The following PTPRK variants were observed in gnomAD, a reference collection of about 807,000 sequenced individuals.
PTPRK encodes protein tyrosine phosphatase receptor type K, also known as receptor-type tyrosine-protein phosphatase kappa.
In PTPRK, 75 loss-of-function variants were observed where a neutral mutation model predicts 178.0. That is an observed-to-expected ratio of 0.42 (90% CI 0.35 to 0.51). PTPRK has a LOEUF of 0.51. Among genes scored for constraint, PTPRK ranks in the 20% least tolerant of loss-of-function variants. The pLI is 0.02. For synonymous variants in PTPRK, 637 were observed against 620.6 expected, an observed-to-expected ratio of 1.03 and a Z score of -0.39; for missense variants, 1,441 against 1,797.8, an observed-to-expected ratio of 0.80 and a Z score of 3.59.
chr6:128,000,801 G>C (rs1240676635), intron 15 of PTPRK, among the ~76,000 whole-genome samples: 1 of 152,018 alleles, frequency 6.6e-6, no homozygotes, highest in Non-Finnish European at 1.5e-5. Context: ...ACTCAAGCTG[G>C]AAGAAGGTAG....
At chr6:127,994,385 G>GT (rs1776917761) in intron 18 of PTPRK, among the ~76,000 whole-genome samples, 1 of 151,564 alleles carries the variant, frequency 6.6e-6, no homozygotes, top group Admixed American at 6.6e-5. Context: ...GATTTTAATT[G>GT]TAAAAAAAAT....
At chr6:128,189,661 A>G (rs957442834) in intron 6 of PTPRK, among the ~76,000 whole-genome samples, 3 of 152,008 alleles carry the variant, frequency 2.0e-5, no homozygotes, top group Non-Finnish European at 2.9e-5. Flanking sequence ...TGCAGATGGA[A>G]TTTTTTTTAT....
chr6:128,107,577 T>A (rs891706181), intron 7 of PTPRK, among the ~76,000 whole-genome samples: 1 of 152,192 alleles, frequency 6.6e-6, no homozygotes, highest in East Asian at 1.9e-4. Context: ...AAAAAACATA[T>A]AATTTTAAGT....
intron 3 of PTPRK, among the ~76,000 whole-genome samples, chr6:128,275,145 T>C (rs1447038531): frequency 6.6e-6 from 1 of 152,002 alleles, no homozygotes; most frequent in Non-Finnish European, 1.5e-5. Context: ...ATGATATAGG[T>C]ATCATCCCTA....
chr6:128,240,872 T>C (rs531200506), intron 4 of PTPRK, among the ~76,000 whole-genome samples: 1 of 152,334 alleles, frequency 6.6e-6, no homozygotes, highest in African/African-American at 2.4e-5. Flanking sequence ...AACTGAAGCC[T>C]CATCCATGTT....
intron 7 of PTPRK, among the ~76,000 whole-genome samples, chr6:128,156,275 T>C (rs1266391551): frequency 6.6e-6 from 1 of 151,886 alleles, no homozygotes; most frequent in African/African-American, 2.4e-5. Context: ...ATCTGGAGAA[T>C]AAAAAGCATA....
intron 1 of PTPRK, among the ~76,000 whole-genome samples, chr6:128,481,952 A>AT (rs1381392003): frequency 6.6e-6 from 1 of 152,122 alleles, no homozygotes; most frequent in African/African-American, 2.4e-5. Context: ...GCTACCGTAC[A>AT]TTTTCTTCTC....
At chr6:128,297,251 C>T (rs1191603101) in intron 3 of PTPRK, among the ~76,000 whole-genome samples, 1 of 152,052 alleles carries the variant, frequency 6.6e-6, no homozygotes, top group African/African-American at 2.4e-5. Context: ...TACAAAGAGA[C>T]TTAGACTCCC....
intron 6 of PTPRK, among the ~76,000 whole-genome samples, chr6:128,200,887 GGGAA>G (rs1336113912): frequency 2.0e-5 from 2 of 101,084 alleles, no homozygotes; most frequent in South Asian, 4.3e-4. Context: ...GAAGAAGGGA[GGGAA>G]GGAGGGAGGG....
intron 4 of PTPRK, chr6:128,241,445 G>A (rs764073011): frequency 9.5e-5 from 37 of 387,818 alleles, no homozygotes; most frequent in Non-Finnish European, 1.6e-4. Flanking sequence ...ACTAGAGTTT[G>A]ACAACCACTC....
chr6:128,135,157 A>G (rs1453036294), intron 7 of PTPRK, among the ~76,000 whole-genome samples: 3 of 151,846 alleles, frequency 2.0e-5, no homozygotes, highest in African/African-American at 4.8e-5. Flanking sequence ...GGACCCTAAT[A>G]TATCACCACA....
At position 127,995,520 on chromosome 6, in the gene PTPRK, ATCAC is replaced by A; in HGVS notation, c.2782_2785del (p.Val928PhefsTer5). On this transcript the variant is annotated frameshift_variant, in exon 18 of 30. Coordinates refer to ENST00000368226, the MANE Select transcript of PTPRK (RefSeq NM_002844.4). LOFTEE classifies it high-confidence loss of function. Reference sequence around the variant, plus strand: ...AGGATCATCCTCTACGGGTTGCAAAATCACTCTGGAGTGATCATCTAAAATTTTA... The same window carrying A: ...AGGATCATCCTCTACGGGTTGCAAAATCTGGAGTGATCATCTAAAATTTTA... The A allele has an allele frequency of 6.3e-7, 1 of 1,595,838 alleles. No individual in the cohort carries two copies. The highest frequency in any genetic ancestry group is 8.6e-7 in the Non-Finnish European group (1 of 1,168,930).
At chr6:128,194,678 C>A (rs1220558060) in intron 6 of PTPRK, among the ~76,000 whole-genome samples, 1 of 152,116 alleles carries the variant, frequency 6.6e-6, no homozygotes, top group East Asian at 1.9e-4. Context: ...AAGTCTAGGG[C>A]CATAAACAGG....
chr6:128,379,893 TTAA>T (rs1334955205), intron 2 of PTPRK, among the ~76,000 whole-genome samples: 3 of 152,178 alleles, frequency 2.0e-5, no homozygotes, highest in East Asian at 1.9e-4. Flanking sequence ...ATTTTGTTGT[TTAA>T]TAATATTTGT....
intron 13 of PTPRK, among the ~76,000 whole-genome samples, chr6:128,014,370 C>T (rs1451424566): frequency 6.6e-6 from 1 of 151,558 alleles, no homozygotes; most frequent in Non-Finnish European, 1.5e-5. Flanking sequence ...CAGCAAGACC[C>T]TGTTTTGATT....
chr6:128,245,913 T>G (rs1482046072), intron 3 of PTPRK, among the ~76,000 whole-genome samples: 2 of 152,222 alleles, frequency 1.3e-5, no homozygotes, highest in African/African-American at 4.8e-5. Context: ...TACAAATTCT[T>G]GAGGATTCAC....
At chr6:128,064,854 T>C in intron 12 of PTPRK, 60 bp from the exon 13 acceptor site, 1 of 1,487,510 alleles carries the variant, frequency 6.7e-7, no homozygotes, top group Non-Finnish European at 8.9e-7. Context: ...TCCTGTTTCA[T>C]AAACTATAAT....
At chr6:128,477,035 TGAA>T (rs1337201874) in intron 1 of PTPRK, among the ~76,000 whole-genome samples, 4 of 152,054 alleles carry the variant, frequency 2.6e-5, no homozygotes, top group African/African-American at 7.2e-5. Context: ...CCAAATTTTA[TGAA>T]GAAGTCAGAG....
intron 1 of PTPRK, among the ~76,000 whole-genome samples, chr6:128,461,682 G>A (rs1162708448): frequency 6.6e-6 from 1 of 152,078 alleles, no homozygotes; most frequent in Non-Finnish European, 1.5e-5. Context: ...TCAGAGTTGT[G>A]CAACAATCAC....
Sources: allele counts gnomAD v4.1 joint callset (sites outside exome capture counted in the v4.1 genomes callset), GRCh38; gene constraint gnomAD v4.1.1; transcripts MANE v1.5; gene names NCBI Gene and HGNC (gene_info 2026-07-23, HGNC 2026-07-21).